The following CPLX2 variants were observed in gnomAD, a reference collection of about 807,000 sequenced individuals.
CPLX2 encodes the protein complexin-2.
In CPLX2, 5 loss-of-function variants were observed where a neutral mutation model predicts 16.3. That is an observed-to-expected ratio of 0.31 (90% confidence interval 0.16 to 0.64). The LOEUF (loss-of-function observed/expected upper bound fraction) is 0.64. Among genes scored for constraint, CPLX2 ranks in the 30% least tolerant of loss-of-function variants. The pLI is 0.79. For synonymous variants in CPLX2, 89 were observed against 73.2 expected, an observed-to-expected ratio of 1.22 and a Z score of -1.10; for missense variants, 144 against 181.4, an observed-to-expected ratio of 0.79 and a Z score of 1.18.
chr5:175,816,017 C>T (rs1247645247), intron 2 of CPLX2, among the ~76,000 whole-genome samples: 1 of 152,216 alleles, frequency 6.6e-6, no homozygotes, highest in African/African-American at 2.4e-5. Context: ...CCTGTTGTGA[C>T]TTAATACAAC....
chr5:175,819,541 T>C (rs571786300), intron 2 of CPLX2, among the ~76,000 whole-genome samples: 1 of 152,310 alleles, frequency 6.6e-6, no homozygotes, highest in Non-Finnish European at 1.5e-5. Flanking sequence ...ACATCCTCTT[T>C]CCCAAAGTGT....
At chr5:175,836,751 T>G (rs1758847509) in intron 2 of CPLX2, among the ~76,000 whole-genome samples, 1 of 152,180 alleles carries the variant, frequency 6.6e-6, no homozygotes, top group Non-Finnish European at 1.5e-5. Flanking sequence ...GAAAACAGGA[T>G]AAAAACAGTA....
At chr5:175,870,915 C>A (rs1561790012), upstream of CPLX2, among the ~76,000 whole-genome samples, 1 of 152,158 alleles carries the variant, frequency 6.6e-6, no homozygotes, top group East Asian at 1.9e-4. Context: ...CACGCTCCAT[C>A]AGTGTTTCCT....
chr5:175,858,151 G>A (rs533942447), intron 2 of CPLX2, among the ~76,000 whole-genome samples: 19 of 152,280 alleles, frequency 1.2e-4, no homozygotes, highest in Non-Finnish European at 1.3e-4. Context: ...GCCATTCCCC[G>A]GGGAAAAGAG....
At chr5:175,808,373 A>G (rs1397444083) in intron 1 of CPLX2, among the ~76,000 whole-genome samples, 1 of 152,090 alleles carries the variant, frequency 6.6e-6, no homozygotes, top group Non-Finnish European at 1.5e-5. Context: ...CTCTGGAAAC[A>G]AAGTCATGTA....
chr5:175,862,702 T>C (rs1473953180), intron 2 of CPLX2, among the ~76,000 whole-genome samples: 2 of 152,326 alleles, frequency 1.3e-5, no homozygotes, highest in South Asian at 2.1e-4. Flanking sequence ...ATCCTTAAAG[T>C]GTCTTTAAAC....
At chr5:175,838,687 T>C (rs1049035883) in intron 2 of CPLX2, among the ~76,000 whole-genome samples, 2 of 152,106 alleles carry the variant, frequency 1.3e-5, no homozygotes, top group Middle Eastern at 3.2e-3. Context: ...TTTCTAGTTC[T>C]TTGAAGTCCT....
At chr5:175,874,044 CTG>C (rs1231021414) in intron 1 of CPLX2, among the ~76,000 whole-genome samples, 5 of 152,228 alleles carry the variant, frequency 3.3e-5, no homozygotes, top group Admixed American at 2.0e-4. Context: ...GGGTGCTAGA[CTG>C]TGCAGGCCTT....
intron 2 of CPLX2, among the ~76,000 whole-genome samples, chr5:175,833,489 G>A (rs1318835475): frequency 6.6e-6 from 1 of 152,166 alleles, no homozygotes; most frequent in Non-Finnish European, 1.5e-5. Flanking sequence ...AAGTTGGAAA[G>A]TCAAGAAAAG....
At chr5:175,852,728 G>T (rs911731112) in intron 2 of CPLX2, among the ~76,000 whole-genome samples, 2 of 152,194 alleles carry the variant, frequency 1.3e-5, no homozygotes, top group Admixed American at 6.5e-5. Context: ...TTGCCTCCCT[G>T]GTACTGGAAG....
intron 2 of CPLX2, among the ~76,000 whole-genome samples, chr5:175,825,223 G>C (rs1281129169): frequency 6.6e-6 from 1 of 151,978 alleles, no homozygotes; most frequent in Non-Finnish European, 1.5e-5. Flanking sequence ...GGTAAACCCT[G>C]TCTCTACTAA....
chr5:175,871,464 A>AGAGAGAGAGAGAGG (rs1759612262), upstream of CPLX2: 203 of 93,320 alleles, frequency 2.2e-3, 5 homozygotes, highest in African/African-American at 5.8e-3. Flanking sequence ...AGAGAGAGAG[A>AGAGAGAGAGAGAGG]GAGAGAGAGA....
rs1759647971 is a variant in CPLX2 at position 175,872,367 on chromosome 5, C to T, written c.-89+662C>T. ...CGCCTGGAGTCTTCGGGAACGACCC[C>T]TTCTGTGCTCTCGTTCTCGTCGGCC... On this transcript the variant is annotated intron_variant, in intron 1 of 3. Coordinates refer to ENST00000393745, the MANE Select transcript of CPLX2 (RefSeq NM_001008220.2). This position sits in a 1 kb window ranked among gnomAD's most constrained non-coding sequence, Gnocchi z 5.0. 6.6e-6 allele frequency among the ~76,000 whole-genome samples: 1 copy of T among 152,194 alleles called. No individual in the cohort carries two copies. Among genetic ancestry groups the T allele is most frequent in the South Asian group, 2.1e-4 (1 of 4,826 alleles).
rs541155669 is a variant in CPLX2 at position 175,839,397 on chromosome 5, T to C, written c.-89+30329T>C. ...GTCTCCCAGGTTCAAGCGATTCTCC[T>C]GCCTCAGCCTCCCAAGTAGCTGGGA... On this transcript the variant is annotated intron_variant, in intron 2 of 4. Transcript: ENST00000359546. Among the ~76,000 whole-genome samples, 144 of 152,284 alleles carry C rather than the reference T, an allele frequency of 9.5e-4. 1 individual carries two copies. The highest frequency in any genetic ancestry group is 3.3e-3 in the African/African-American group (138 of 41,548).
chr5:175,818,143 A>C (rs1195537316), intron 2 of CPLX2, among the ~76,000 whole-genome samples: 1 of 152,096 alleles, frequency 6.6e-6, no homozygotes. Flanking sequence ...GAGATAAAGG[A>C]AAGTTCAATG....
chr5:175,849,604 C>T lies in CPLX2; in HGVS notation c.-88-29048C>T, dbSNP rs1759113235. Among the ~76,000 whole-genome samples, 1 of 152,134 alleles carries T rather than the reference C, an allele frequency of 6.6e-6. No individual in the cohort carries two copies. Among genetic ancestry groups the T allele is most frequent in the Admixed American group, 6.5e-5 (1 of 15,282 alleles). On this transcript the variant is annotated intron_variant, in intron 2 of 4. Coordinates refer to the CPLX2 transcript ENST00000359546. This position sits in a 1 kb window ranked among gnomAD's most constrained non-coding sequence, Gnocchi z 4.4. The stretch of plus-strand genomic sequence containing the variant: ...CAGGGGACCACACTGGCTGGGGGAG[C>T]CTTCTCAGGGAGAGAAGAGGAGAGG...
rs111326008 is a variant in CPLX2, at chr5:175,857,720, AATC to A, written c.-88-20929_-88-20927del. Among the ~76,000 whole-genome samples the A allele has an allele frequency of 3.1e-3, 472 of 152,360 alleles. 3 individuals are homozygous for A. The highest frequency in any genetic ancestry group is 0.011 in the African/African-American group (444 of 41,594). On this transcript the variant is annotated intron_variant, in intron 2 of 4. Transcript: ENST00000359546. ...TTTCACACCACTACAAACTCAAAAA[AATC>A]ATAAGTGGAACCATTGTAAGTTGGG...
In CPLX2 at chr5:175,881,649, A is replaced by G. The variant is rs1369385606; in HGVS notation, c.*1604A>G. 1.3e-5 allele frequency: 2 copies of G among 152,800 alleles called. No homozygotes were observed. Among genetic ancestry groups the G allele is most frequent in the Non-Finnish European group, 2.9e-5 (2 of 68,078 alleles). The allele number at this position is 152,800 out of a possible 1,614,324, so 9.5% of individuals were successfully genotyped here. On this transcript the variant is annotated 3_prime_UTR_variant, in exon 4 of 4. Transcript: ENST00000393745. ...GAACGTGGGTAAGATGTCCCTTCCCAGCCCTGAGACCACTGGTCACAGTTG... is the reference window on the plus strand; with the variant it reads ...GAACGTGGGTAAGATGTCCCTTCCCGGCCCTGAGACCACTGGTCACAGTTG...
intron 2 of CPLX2, among the ~76,000 whole-genome samples, chr5:175,812,256 A>G (rs1189874520): frequency 2.0e-5 from 3 of 152,210 alleles, no homozygotes; most frequent in Non-Finnish European, 4.4e-5. Flanking sequence ...GCCCCATCCC[A>G]GGCCCTGCCC....
Sources: allele counts gnomAD v4.1 joint callset (sites outside exome capture counted in the v4.1 genomes callset), GRCh38; gene constraint gnomAD v4.1.1; non-coding constraint Gnocchi (gnomAD v3.1); transcripts MANE v1.5; gene names NCBI Gene and HGNC (gene_info 2026-07-23, HGNC 2026-07-21).